Variants in EYS observed in about 807,000 individuals in gnomAD.
EYS encodes the protein EGF-like photoreceptor maintenance factor, also known as protein eyes shut homolog.
A neutral mutation model predicts 282.1 loss-of-function variants in EYS; 250 were observed. The ratio of observed to expected loss-of-function variants is 0.89; its 90% CI spans 0.80 to 0.98. The LOEUF is 0.98. Ranked by LOEUF, EYS falls within the 50% of genes least tolerant of loss-of-function variation. The pLI, the probability that EYS is intolerant of heterozygous loss-of-function variation, is 0.00. For synonymous variants in EYS, 1,355 were observed against 1,282.9 expected (o/e 1.06, Z -1.20); for missense variants, 4,016 against 3,709.0 (o/e 1.08, Z -2.15).
intron 36 of EYS, among the ~76,000 whole-genome samples, chr6:63,829,684 C>A (rs929668518): frequency 7.2e-5 from 11 of 152,224 alleles, no homozygotes; most frequent in Non-Finnish European, 1.6e-4. Context: ...CAGACTTAAA[C>A]GTCCCTGTCT....
intron 22 of EYS, among the ~76,000 whole-genome samples, chr6:64,803,061 A>C (rs984070410): frequency 2.0e-5 from 3 of 152,126 alleles, no homozygotes; most frequent in Non-Finnish European, 4.4e-5. Context: ...GGACGAGGGG[A>C]ATGCAGTGGT....
chr6:64,450,971 T>C (rs1775312138), intron 26 of EYS, among the ~76,000 whole-genome samples: 1 of 151,866 alleles, frequency 6.6e-6, no homozygotes, highest in South Asian at 2.1e-4. Context: ...AGCAAACACA[T>C]TCAAAAGCTA....
At chr6:65,639,282 TAAGTC>T in intron 2 of EYS, among the ~76,000 whole-genome samples, 1 of 152,222 alleles carries the variant, frequency 6.6e-6, no homozygotes, top group Non-Finnish European at 1.5e-5. Flanking sequence ...AGAACTCTAT[TAAGTC>T]AAGTTTCAGG....
intron 35 of EYS, 47 bp downstream of exon 35, chr6:63,984,336 T>G: frequency 7.6e-7 from 1 of 1,320,590 alleles, no homozygotes; most frequent in Non-Finnish European, 1.1e-6. Flanking sequence ...GTTTTAAGAA[T>G]TTGGAGTCAT....
intron 33 of EYS, among the ~76,000 whole-genome samples, chr6:64,021,275 G>C (rs1352345590): frequency 6.6e-6 from 1 of 151,986 alleles, no homozygotes; most frequent in East Asian, 1.9e-4. Flanking sequence ...GCCAGGTACT[G>C]GATTCAACGC....
At chr6:64,870,588 C>A (rs1766566215) in intron 19 of EYS, among the ~76,000 whole-genome samples, 1 of 151,596 alleles carries the variant, frequency 6.6e-6, no homozygotes, top group Non-Finnish European at 1.5e-5. Context: ...AAAACATAAC[C>A]AACAGAACCT....
intron 22 of EYS, among the ~76,000 whole-genome samples, chr6:64,747,732 G>C (rs565910082): frequency 6.6e-6 from 1 of 152,274 alleles, no homozygotes; most frequent in East Asian, 1.9e-4. Flanking sequence ...TGAGCCATTA[G>C]TGTACCTAGG....
At chr6:65,384,251 A>G in intron 8 of EYS, 135 bp downstream of exon 8, 3 of 636,894 alleles carry the variant, frequency 4.7e-6, no homozygotes, top group South Asian at 3.6e-5. Flanking sequence ...TAAGCTTTAC[A>G]TAACTCACAT....
intron 35 of EYS, among the ~76,000 whole-genome samples, chr6:63,934,414 A>G (rs1194395148): frequency 6.6e-6 from 1 of 152,032 alleles, no homozygotes; most frequent in East Asian, 1.9e-4. Flanking sequence ...TACCCAAAGG[A>G]TTATAAATCA....
intron 35 of EYS, among the ~76,000 whole-genome samples, chr6:63,957,305 A>G (rs1290226240): frequency 7.1e-6 from 1 of 140,812 alleles, no homozygotes; most frequent in Non-Finnish European, 1.6e-5. Flanking sequence ...GTTTATGTGC[A>G]AGAGCTGGAA....
At chr6:64,184,340 A>G (rs1180675653) in intron 31 of EYS, among the ~76,000 whole-genome samples, 1 of 152,190 alleles carries the variant, frequency 6.6e-6, no homozygotes, top group East Asian at 1.9e-4. Context: ...CTACCTAACC[A>G]TGTGCCTTCT....
intron 31 of EYS, among the ~76,000 whole-genome samples, chr6:64,161,490 A>G (rs958180204): frequency 3.9e-5 from 6 of 152,178 alleles, no homozygotes; most frequent in African/African-American, 1.4e-4. Context: ...GCATTAATGG[A>G]AGGTCATTTT....
At chr6:64,899,030 C>T (rs1767565054) in intron 18 of EYS, among the ~76,000 whole-genome samples, 1 of 151,938 alleles carries the variant, frequency 6.6e-6, no homozygotes, top group Non-Finnish European at 1.5e-5. Context: ...ACCCCACTGT[C>T]AATATTAGAC....
chr6:65,109,033 G>A (rs536249619), intron 12 of EYS, among the ~76,000 whole-genome samples: 6 of 151,832 alleles, frequency 4.0e-5, no homozygotes, highest in African/African-American at 1.2e-4. Flanking sequence ...TTTAGCTCTA[G>A]AACGTCTTTC....
intron 28 of EYS, among the ~76,000 whole-genome samples, chr6:64,427,655 C>A (rs1285267432): frequency 2.0e-5 from 3 of 151,962 alleles, no homozygotes; most frequent in Admixed American, 1.3e-4. Context: ...TGATAATATA[C>A]AACTGAAGGA....
chr6:64,768,727 GGAGTTT>G (rs1458734550), intron 22 of EYS, among the ~76,000 whole-genome samples: 1 of 152,106 alleles, frequency 6.6e-6, no homozygotes, highest in Non-Finnish European at 1.5e-5. Context: ...GATGTGTTTT[GGAGTTT>G]GAGAAAAATC....
chr6:65,636,223 T>C (rs138554316), intron 2 of EYS, among the ~76,000 whole-genome samples: 4,062 of 152,338 alleles, frequency 0.027, 74 homozygotes, highest in Non-Finnish European at 0.037. Flanking sequence ...TTTGCTGTCT[T>C]TCTTAAACAG....
chr6:65,499,410 A>G (rs1161527872), intron 2 of EYS, among the ~76,000 whole-genome samples: 1 of 152,026 alleles, frequency 6.6e-6, no homozygotes, highest in Non-Finnish European at 1.5e-5. Flanking sequence ...TTTGCACTCA[A>G]TAGACAATAT....
chr6:65,338,471 A>G (rs937104833), intron 10 of EYS, among the ~76,000 whole-genome samples: 51 of 151,200 alleles, frequency 3.4e-4, no homozygotes, highest in Admixed American at 6.6e-4. Flanking sequence ...TAAACATTCT[A>G]TCAAAACATT....
Sources: allele counts gnomAD v4.1 joint callset (sites outside exome capture counted in the v4.1 genomes callset), GRCh38; gene constraint gnomAD v4.1.1; transcripts MANE v1.5; gene names NCBI Gene and HGNC (gene_info 2026-07-23, HGNC 2026-07-21).